Variants in BAHCC1 observed in about 807,000 individuals in gnomAD.
BAHCC1 encodes the protein BAH domain and coiled-coil containing 1, also known as BAH and coiled-coil domain-containing protein 1.
In BAHCC1, 43 loss-of-function variants were observed where a neutral mutation model predicts 88.2. The ratio of observed to expected loss-of-function variants is 0.49; its 90% CI spans 0.38 to 0.63. The LOEUF is 0.63. BAHCC1 is among the 20% of genes least tolerant of loss of function. The pLI is 0.00. For missense variants in BAHCC1, 3,023 were observed against 1,654.8 expected (o/e 1.83, Z -14.34); for synonymous variants, 1,510 against 745.5 (o/e 2.03, Z -16.71).
chr17:81,399,839 G>GGGCCCGCCGCGC lies in BAHCC1; in HGVS notation c.101_112dup (p.Ala37_Gln38insArgProAlaAla). ...TGCCGCCGCGCGTCTCGCCCCGGCT[G>GGGCCCGCCGCGC]GGCCCGCCGCGCAGCCCCCCGCACA... On this transcript the variant is annotated inframe_insertion, in exon 2 of 28. Coordinates refer to ENST00000675386, the MANE Select transcript of BAHCC1 (RefSeq NM_001377448.1). The surrounding 1 kb of genome is among the most constrained non-coding windows in gnomAD (Gnocchi z 4.5). 7.3e-7 allele frequency: 1 copy of GGGCCCGCCGCGC among 1,360,962 alleles called. No homozygotes were observed. Among genetic ancestry groups the GGGCCCGCCGCGC allele is most frequent in the Non-Finnish European group, 9.5e-7 (1 of 1,056,062 alleles). The allele number at this position is 1,360,962 out of a possible 1,614,324, so 84.3% of individuals were successfully genotyped here.
chr17:81,456,620 C>A (rs1555657377), intron 16 of BAHCC1, 35 bp downstream of exon 16: 2 of 680,266 alleles, frequency 2.9e-6, no homozygotes, highest in East Asian at 2.7e-5. Flanking sequence ...CTGCCAGGAG[C>A]CCCGGTCATG....
Position 81,411,832 on chromosome 17 carries a change from C to T in BAHCC1, c.178+11915C>T, listed in dbSNP as rs551878916. On this transcript the variant is annotated intron_variant, in intron 2 of 27. Coordinates refer to ENST00000675386, the MANE Select transcript of BAHCC1 (RefSeq NM_001377448.1). The surrounding 1 kb of genome is among the most constrained non-coding windows in gnomAD (Gnocchi z 6.2). The stretch of plus-strand genomic sequence containing the variant: ...CCTCAGCAAGGTCGTTCCCGACAAG[C>T]CCCTCACCGCCCCGGCCCCTGCCCC... 1.3e-5 allele frequency among the ~76,000 whole-genome samples: 2 copies of T among 152,342 alleles called. No individual in the cohort carries two copies. Among genetic ancestry groups the T allele is most frequent in the South Asian group, 2.1e-4 (1 of 4,830 alleles).
intron 11 of BAHCC1, among the ~76,000 whole-genome samples, chr17:81,449,290 C>A (rs1453610733): frequency 6.6e-6 from 1 of 152,150 alleles, no homozygotes; most frequent in Non-Finnish European, 1.5e-5. Flanking sequence ...GGCCCCCACC[C>A]CTGCCCCTGC....
At chr17:81,457,661 G>A (rs1016040759) in intron 17 of BAHCC1, 69 bp downstream of exon 17, 1 of 637,184 alleles carries the variant, frequency 1.6e-6, no homozygotes, top group South Asian at 1.8e-5. Flanking sequence ...AGATAACCAG[G>A]AGGGAGGGCA....
At chr17:81,446,930 C>T (rs1555654546) in intron 10 of BAHCC1, 106 bp from the exon 11 acceptor site, 1 of 710,070 alleles carries the variant, frequency 1.4e-6, no homozygotes, top group Non-Finnish European at 2.6e-6. Flanking sequence ...GGCCCTTCCG[C>T]ACGGGCTTGG....
chr17:81,415,980 G>C (rs781884940), intron 2 of BAHCC1, among the ~76,000 whole-genome samples: 3 of 151,642 alleles, frequency 2.0e-5, no homozygotes, highest in African/African-American at 7.3e-5. Flanking sequence ...GTGCGTGTGC[G>C]TGTGTCCATG....
chr17:81,454,485 C>G (rs769663569), intron 14 of BAHCC1, among the ~76,000 whole-genome samples: 1 of 152,188 alleles, frequency 6.6e-6, no homozygotes, highest in Non-Finnish European at 1.5e-5. Context: ...GGCCTGAGCC[C>G]GGCAACGGGG....
At position 81,442,176 on chromosome 17, in the gene BAHCC1, G is replaced by T. The variant is rs782588265; in HGVS notation, c.827G>T (p.Arg276Leu). Residue 276 changes from arginine to leucine, a missense_variant, in exon 5 of 28, where the codon CGC (arginine) becomes CTC (leucine). Arg to Leu is a moderately radical substitution (Grantham distance 102, BLOSUM62 -2). Coordinates refer to ENST00000675386, the MANE Select transcript of BAHCC1 (RefSeq NM_001377448.1). The part of the protein sequence containing the change: ...GPAPRGACEG[R>L]PKHLTSCLLN... ...GCACCCCGAGGGGCCTGCGAGGGCC[G>T]CCCCAAGCACCTCACCTCCTGCCTC... 4.6e-6 allele frequency: 3 copies of T among 653,900 alleles called. No homozygotes were observed. Among genetic ancestry groups the T allele is most frequent in the South Asian group, 3.5e-5 (2 of 57,952 alleles). 40.5% of individuals were successfully genotyped at this position (653,900 alleles called of 1,614,324 possible).
At position 81,424,070 on chromosome 17, in the gene BAHCC1, A is replaced by G. The variant is rs2064146333; in HGVS notation, c.179-2730A>G. ...AATCCTGAAGGGATTTTAGAAGCAGATCCGTCCTCAGCGCCACCCTTCCTT... is the reference window on the plus strand; with the variant it reads ...AATCCTGAAGGGATTTTAGAAGCAGGTCCGTCCTCAGCGCCACCCTTCCTT... On this transcript the variant is annotated intron_variant, in intron 2 of 27. Coordinates refer to ENST00000675386, the MANE Select transcript of BAHCC1 (RefSeq NM_001377448.1). Among the ~76,000 whole-genome samples the G allele has an allele frequency of 2.0e-5, 3 of 152,134 alleles. No homozygotes were observed. In the South Asian group the frequency reaches 6.2e-4, roughly 31 times the overall value.
intron 2 of BAHCC1, among the ~76,000 whole-genome samples, chr17:81,410,292 G>A (rs552740698): frequency 1.3e-5 from 2 of 152,300 alleles, no homozygotes; most frequent in African/African-American, 4.8e-5. Context: ...CTCCCCCCTG[G>A]GCAGCAGGCA....
Position 81,458,848 on chromosome 17 carries a change from C to A in BAHCC1, c.5484C>A (p.Ser1828Arg). The change falls in exon 20 of 28, where the codon AGC (serine) becomes AGA (arginine). Residue 1828 changes from serine to arginine, a missense_variant. Physicochemically the swap from Ser to Arg is moderately radical, Grantham distance 110. Transcript: ENST00000675386. ...KGRAVSRLLE[S>R]FAVEEDFEFD... Reference sequence around the variant, plus strand: ...GGGCCGTGAGCCGCCTGCTGGAAAGCTTCGCCGTGGAGGAAGACTTTGAGT... The same window carrying A: ...GGGCCGTGAGCCGCCTGCTGGAAAGATTCGCCGTGGAGGAAGACTTTGAGT... 1 of 769,368 alleles carries A rather than the reference C, an allele frequency of 1.3e-6. No homozygotes were observed. Among genetic ancestry groups the A allele is most frequent in the Non-Finnish European group, 2.4e-6 (1 of 410,464 alleles). 47.7% of individuals were successfully genotyped at this position (769,368 alleles called of 1,614,324 possible).
At chr17:81,456,941 G>T (rs2064760637) in intron 16 of BAHCC1, among the ~76,000 whole-genome samples, 1 of 62,146 alleles carries the variant, frequency 1.6e-5, no homozygotes, top group African/African-American at 5.5e-5. Flanking sequence ...GGCGTTATCT[G>T]ACCACCCCCC....
At chr17:81,432,004 G>A (rs1464397879) in intron 3 of BAHCC1, among the ~76,000 whole-genome samples, 2 of 152,192 alleles carry the variant, frequency 1.3e-5, no homozygotes, top group African/African-American at 2.4e-5. Flanking sequence ...TGCAGGGCAG[G>A]TGGGCAGGGC....
At chr17:81,406,896 G>C in intron 2 of BAHCC1, 1 of 456,322 alleles carries the variant, frequency 2.2e-6, no homozygotes, top group Non-Finnish European at 4.4e-6. Context: ...GCATGCTGCA[G>C]CTGTCCACAC....
At chr17:81,453,220 CGTT>C (rs1322624933) in intron 14 of BAHCC1, among the ~76,000 whole-genome samples, 3 of 152,300 alleles carry the variant, frequency 2.0e-5, no homozygotes, top group South Asian at 2.1e-4. Context: ...TGTATAAAGT[CGTT>C]GGTCACGCTG....
chr17:81,400,759 C>G (rs548371720), intron 2 of BAHCC1: 25 of 154,000 alleles, frequency 1.6e-4, no homozygotes, highest in African/African-American at 6.0e-4. Context: ...ACTCCCTGCC[C>G]GAGAGGATCA....
chr17:81,460,038 G>T (rs1033083521), intron 23 of BAHCC1, among the ~76,000 whole-genome samples: 17 of 152,192 alleles, frequency 1.1e-4, no homozygotes, highest in Non-Finnish European at 1.9e-4. Flanking sequence ...GTCAGCACGT[G>T]TGGGGAGGTC....
At position 81,399,567 on chromosome 17, in the gene BAHCC1, G is replaced by C. The variant is rs1555645592; in HGVS notation, c.-173G>C. On this transcript the variant is annotated 5_prime_UTR_variant, in exon 2 of 28. Transcript: ENST00000675386. This position sits in a 1 kb window ranked among gnomAD's most constrained non-coding sequence, Gnocchi z 4.5. ...CCCGCACAGCGGCCGCTGGCTCGGT[G>C]CGCGGCCGCCCGCCGAGAAGCCCAG... The C allele has an allele frequency of 2.5e-6, 1 of 400,552 alleles. No individual in the cohort carries two copies. Among genetic ancestry groups the C allele is most frequent in the Admixed American group, 3.2e-5 (1 of 31,600 alleles). The allele number at this position is 400,552 out of a possible 1,614,324, so 24.8% of individuals were successfully genotyped here. A position where few individuals can be genotyped will look rare whatever the true frequency, so the allele number is the denominator to read the frequency against.
chr17:81,444,777 G>A lies in BAHCC1; in HGVS notation c.2622G>A (p.Leu874=), dbSNP rs1555653856. The A allele has an allele frequency of 7.7e-6, 6 of 778,642 alleles. No homozygotes were observed. In the East Asian group the frequency reaches 1.2e-4, roughly 16 times the overall value. The allele number at this position is 778,642 out of a possible 1,614,324, so 48.2% of individuals were successfully genotyped here. Residue 874 remains leucine (L), a synonymous_variant, in exon 8 of 28, where the codon CTG becomes CTA. Transcript: ENST00000675386. ...TCCCACAGGACGCCCCCACACAGCT[G>A]GTCATCCTGCCCTCAGAGCCCACAC... is the stretch of plus-strand genomic sequence containing the variant. ...FPLPQDAPTQ[L]VILPSEPTPH... is the part of the protein sequence containing the mutation.
Sources: allele counts gnomAD v4.1 joint callset (sites outside exome capture counted in the v4.1 genomes callset), GRCh38; gene constraint gnomAD v4.1.1; non-coding constraint Gnocchi (gnomAD v3.1); transcripts MANE v1.5; gene names NCBI Gene and HGNC (gene_info 2026-07-23, HGNC 2026-07-21).